ANKRD44: variants seen among roughly 807,000 people sequenced by gnomAD.
ANKRD44 encodes ankyrin repeat domain 44, also known as serine/threonine-protein phosphatase 6 regulatory ankyrin repeat subunit B.
A neutral mutation model predicts 116.0 loss-of-function variants in ANKRD44; 35 were observed. That is an observed-to-expected ratio of 0.30 (90% confidence interval 0.23 to 0.40). The LOEUF (loss-of-function observed/expected upper bound fraction) is 0.40. Among genes scored for constraint, ANKRD44 ranks in the 10% least tolerant of loss-of-function variants. The pLI is 1.00. For synonymous variants in ANKRD44, 435 were observed against 461.8 expected (o/e 0.94, Z 0.74); for missense variants, 1,014 against 1,242.6 (o/e 0.82, Z 2.77).
chr2:197,147,116 C>G lies in ANKRD44; in HGVS notation c.112-11G>C. 1 of 1,613,022 alleles carries G rather than the reference C, an allele frequency of 6.2e-7. No homozygotes were observed. Among genetic ancestry groups the G allele is most frequent in the South Asian group, 1.1e-5 (1 of 91,036 alleles). ...TCGTTTCTCAGAATCCTGAAATACA[C>G]AACGTCAAAGACATACAACAGGTCA... On this transcript the variant is annotated splice_polypyrimidine_tract_variant and intron_variant, in intron 2 of 27. Coordinates refer to ENST00000282272, the MANE Select transcript of ANKRD44 (RefSeq NM_001195144.2).
intron 1 of ANKRD44, among the ~76,000 whole-genome samples, chr2:197,261,315 C>T (rs1376892290): frequency 1.3e-5 from 2 of 151,796 alleles, no homozygotes; most frequent in African/African-American, 4.8e-5. Context: ...GTTTTCCCAG[C>T]ACCATTTATT....
intron 1 of ANKRD44, among the ~76,000 whole-genome samples, chr2:197,208,043 T>C (rs2081247048): frequency 6.6e-6 from 1 of 152,206 alleles, no homozygotes; most frequent in South Asian, 2.1e-4. Context: ...TTACATAGTA[T>C]TGATGAACTT....
At position 197,310,760 on chromosome 2, in the gene ANKRD44, T is replaced by G; in HGVS notation, c.-156A>C. 2 of 672,498 alleles carry G rather than the reference T, an allele frequency of 3.0e-6. No individual in the cohort carries two copies. Among genetic ancestry groups the G allele is most frequent in the Non-Finnish European group, 4.0e-6 (2 of 502,180 alleles). The allele number at this position is 672,498 out of a possible 1,614,324, so 41.7% of individuals were successfully genotyped here. Reference sequence around the variant, plus strand: ...CTGCTCCTCCTCCGCCGCCGCCTCCTCCCGCCGAGAGGCTGACACTGGCTA... The same window carrying G: ...CTGCTCCTCCTCCGCCGCCGCCTCCGCCCGCCGAGAGGCTGACACTGGCTA... On this transcript the variant is annotated 5_prime_UTR_variant, in exon 1 of 28. Coordinates refer to ENST00000282272, the MANE Select transcript of ANKRD44 (RefSeq NM_001195144.2).
chr2:197,045,851 C>T (rs1161556083), intron 16 of ANKRD44, among the ~76,000 whole-genome samples: 1 of 151,646 alleles, frequency 6.6e-6, no homozygotes, highest in Non-Finnish European at 1.5e-5. Flanking sequence ...TGTTTTGATG[C>T]ATAAATTTGA....
At chr2:197,293,128 T>C (rs1214220530) in intron 1 of ANKRD44, among the ~76,000 whole-genome samples, 1 of 152,154 alleles carries the variant, frequency 6.6e-6, no homozygotes, top group Non-Finnish European at 1.5e-5. Flanking sequence ...TCACTTCCTG[T>C]CCTTCCTCTG....
At chr2:197,052,564 T>C (rs1348379352) in intron 16 of ANKRD44, among the ~76,000 whole-genome samples, 1 of 152,102 alleles carries the variant, frequency 6.6e-6, no homozygotes, top group Non-Finnish European at 1.5e-5. Context: ...AAGACTCATG[T>C]TCTGTTGGGA....
chr2:197,100,621 T>C (rs757886285), intron 9 of ANKRD44, among the ~76,000 whole-genome samples: 4 of 152,194 alleles, frequency 2.6e-5, no homozygotes, highest in Admixed American at 1.3e-4. Context: ...TAAAAACCTA[T>C]GTAAACCTTG....
chr2:197,046,588 G>A (rs2077005037), intron 16 of ANKRD44, among the ~76,000 whole-genome samples: 1 of 151,310 alleles, frequency 6.6e-6, no homozygotes, highest in African/African-American at 2.4e-5. Flanking sequence ...TAAGCTTGCA[G>A]TGAGATGAGA....
chr2:197,263,071 TG>T, intron 1 of ANKRD44: 3 of 422,366 alleles, frequency 7.1e-6, no homozygotes, highest in Non-Finnish European at 1.3e-5. Flanking sequence ...TTCCCTGCAC[TG>T]GGCCCAGCTC....
intron 1 of ANKRD44, among the ~76,000 whole-genome samples, chr2:197,291,274 C>T (rs1189070608): frequency 6.6e-6 from 1 of 152,114 alleles, no homozygotes; most frequent in Non-Finnish European, 1.5e-5. Flanking sequence ...CTTTGGGAGG[C>T]CAAGGCAGGT....
chr2:197,263,278 C>A (rs1218458645), intron 1 of ANKRD44: 1 of 612,032 alleles, frequency 1.6e-6, no homozygotes. Context: ...TTGTCCCTGG[C>A]CGCAGCTTGG....
At chr2:197,034,474 T>A (rs76055868) in intron 16 of ANKRD44, among the ~76,000 whole-genome samples, 1,885 of 148,468 alleles carry the variant, frequency 0.013, 10 homozygotes, top group Middle Eastern at 0.024. Flanking sequence ...ATCTAGTATG[T>A]CACCATGGAC....
intron 16 of ANKRD44, among the ~76,000 whole-genome samples, chr2:197,031,335 T>C (rs956836470): frequency 1.3e-5 from 2 of 152,172 alleles, no homozygotes; most frequent in Non-Finnish European, 2.9e-5. Context: ...ATTGTTTTGT[T>C]TGTGTGTGTG....
intron 21 of ANKRD44, among the ~76,000 whole-genome samples, chr2:196,969,612 C>A (rs1244068231): frequency 6.6e-6 from 1 of 152,216 alleles, no homozygotes; most frequent in Non-Finnish European, 1.5e-5. Context: ...TTGCTAGTGG[C>A]ATCTACATTG....
At chr2:197,077,382 T>C (rs976944636) in intron 16 of ANKRD44, among the ~76,000 whole-genome samples, 1 of 152,164 alleles carries the variant, frequency 6.6e-6, no homozygotes, top group Non-Finnish European at 1.5e-5. Context: ...TTTCCTCCTG[T>C]CTTATCTCCT....
intron 17 of ANKRD44, among the ~76,000 whole-genome samples, chr2:197,022,778 C>G (rs1187840268): frequency 6.6e-6 from 1 of 152,176 alleles, no homozygotes; most frequent in African/African-American, 2.4e-5. Flanking sequence ...ACAGGAGGAT[C>G]ACTTGAGCCC....
At chr2:197,202,404 G>GAA (rs536197157) in intron 1 of ANKRD44, among the ~76,000 whole-genome samples, 23 of 141,942 alleles carry the variant, frequency 1.6e-4, no homozygotes, top group African/African-American at 3.6e-4. Flanking sequence ...ATTTCAGATG[G>GAA]AAAAAAAAAA....
At chr2:197,189,823 C>A (rs1463825439) in intron 1 of ANKRD44, among the ~76,000 whole-genome samples, 1 of 152,208 alleles carries the variant, frequency 6.6e-6, no homozygotes. Context: ...TAATGCACCA[C>A]TACTTAGTCA....
chr2:196,974,607 A>G (rs2075743477), intron 21 of ANKRD44, among the ~76,000 whole-genome samples: 1 of 152,132 alleles, frequency 6.6e-6, no homozygotes, highest in South Asian at 2.1e-4. Flanking sequence ...ATAAAAAAGG[A>G]GGACAGGTGC....
Sources: gnomAD v4.1 joint callset for allele counts (sites outside exome capture counted in the v4.1 genomes callset) on GRCh38, gnomAD v4.1.1 for gene constraint, MANE v1.5 for transcripts, NCBI Gene and HGNC (gene_info 2026-07-23, HGNC 2026-07-21) for gene names.